TPTE: variants seen among roughly 807,000 people sequenced by gnomAD.
TPTE encodes transmembrane phosphatase with tensin homology.
Under a neutral mutation model 84.1 loss-of-function variants are expected in TPTE, and 59 were observed. That is an observed-to-expected ratio of 0.70 (90% CI 0.57 to 0.87). TPTE has a LOEUF of 0.87. TPTE is among the 40% of genes least tolerant of loss of function. The probability of loss-of-function intolerance (pLI) is 0.00; values close to 1 mark genes in which losing one functional copy is unlikely to be tolerated. For missense variants in TPTE, 382 were observed against 659.6 expected, an observed-to-expected ratio of 0.58 and a Z score of 4.61; for synonymous variants, 130 against 223.5, an observed-to-expected ratio of 0.58 and a Z score of 3.73.
intron 3 of TPTE, among the ~76,000 whole-genome samples, chr21:10,529,119 A>G (rs1473406226): frequency 1.3e-5 from 2 of 152,246 alleles, no homozygotes; most frequent in Non-Finnish European, 2.9e-5. Context: ...GGGAAGCAGA[A>G]GTTGCAGTGA....
intron 4 of TPTE, among the ~76,000 whole-genome samples, chr21:10,540,036 A>G (rs796258204): frequency 3.3e-5 from 5 of 152,368 alleles, no homozygotes; most frequent in African/African-American, 1.2e-4. Flanking sequence ...AACAACAAAC[A>G]AAAACAAAAA....
At chr21:10,581,843 C>A (rs2075276614) in intron 17 of TPTE, among the ~76,000 whole-genome samples, 1 of 152,312 alleles carries the variant, frequency 6.6e-6, no homozygotes, top group Non-Finnish European at 1.5e-5. Context: ...AAGCGATCCT[C>A]CCATCTCAGC....
At chr21:10,566,778 ACCAGC>A (rs1218182556) in intron 10 of TPTE, among the ~76,000 whole-genome samples, 1 of 152,302 alleles carries the variant, frequency 6.6e-6, no homozygotes, top group African/African-American at 2.4e-5. Flanking sequence ...GGAGTTCGAG[ACCAGC>A]CTGACCAACA....
chr21:10,556,452 T>C (rs1353553004), intron 8 of TPTE, among the ~76,000 whole-genome samples: 8 of 152,426 alleles, frequency 5.2e-5, no homozygotes, highest in Non-Finnish European at 1.2e-4. Flanking sequence ...TTGTTGGACA[T>C]TTGGGTTGGT....
At chr21:10,550,243 A>T (rs1344483004) in intron 7 of TPTE, among the ~76,000 whole-genome samples, 3 of 152,306 alleles carry the variant, frequency 2.0e-5, no homozygotes, top group Admixed American at 1.3e-4. Flanking sequence ...ACCAATAATA[A>T]CTTTGAATGT....
intron 17 of TPTE, among the ~76,000 whole-genome samples, chr21:10,585,038 C>G (rs1486235072): frequency 6.6e-6 from 1 of 152,310 alleles, no homozygotes; most frequent in African/African-American, 2.4e-5. Context: ...TTAAGACCAG[C>G]CTAGGCAACA....
chr21:10,543,443 C>T (rs1457291490), intron 7 of TPTE, 61 bp downstream of exon 7: 4 of 1,611,738 alleles, frequency 2.5e-6, no homozygotes, highest in Non-Finnish European at 3.4e-6. Flanking sequence ...TATACACACA[C>T]CAAGCACATA....
chr21:10,605,631 T>C lies in TPTE; in HGVS notation c.*79T>C, dbSNP rs1423222787. The C allele has an allele frequency of 3.1e-6, 5 of 1,594,250 alleles. No homozygotes were observed. The African/African-American group carries it at 4.1e-5, about 13-fold the overall frequency. On this transcript the variant is annotated 3_prime_UTR_variant, in exon 24 of 24. Coordinates refer to ENST00000618007, the MANE Select transcript of TPTE (RefSeq NM_199261.4). ...CACATGTTCATATATCCTAAATCTA[T>C]CCTAAATGTTCCTTGAAGTATTTAT...
At chr21:10,596,395 C>T (rs2075590034) in intron 20 of TPTE, among the ~76,000 whole-genome samples, 1 of 152,310 alleles carries the variant, frequency 6.6e-6, no homozygotes, top group South Asian at 2.1e-4. Flanking sequence ...GCAGAGGGAG[C>T]CTCTGATGAG....
intron 21 of TPTE, among the ~76,000 whole-genome samples, chr21:10,599,663 C>T (rs1479643114): frequency 1.3e-5 from 2 of 152,308 alleles, no homozygotes; most frequent in African/African-American, 2.4e-5. Flanking sequence ...ACTCTTATTT[C>T]CTTGGCTCTT....
chr21:10,565,122 C>A (rs2074894886), intron 10 of TPTE, among the ~76,000 whole-genome samples: 1 of 152,238 alleles, frequency 6.6e-6, no homozygotes, highest in Non-Finnish European at 1.5e-5. Flanking sequence ...AAGACTCCAC[C>A]AAAAAAAACT....
At chr21:10,589,160 T>C (rs1470011802) in intron 17 of TPTE, among the ~76,000 whole-genome samples, 12 of 152,412 alleles carry the variant, frequency 7.9e-5, no homozygotes, top group African/African-American at 2.4e-4. Context: ...TTTTTCTTTT[T>C]CTTTCCTTTC....
At chr21:10,592,818 G>A (rs1165635976) in intron 19 of TPTE, among the ~76,000 whole-genome samples, 3 of 152,310 alleles carry the variant, frequency 2.0e-5, no homozygotes, top group Non-Finnish European at 4.4e-5. Flanking sequence ...GTGTGTGTGT[G>A]TGTGTGTGTG....
intron 19 of TPTE, among the ~76,000 whole-genome samples, chr21:10,594,392 C>T (rs1253230601): frequency 2.0e-5 from 3 of 152,312 alleles, no homozygotes; most frequent in Non-Finnish European, 4.4e-5. Context: ...CTTCTGTATC[C>T]CCTTTAAAGG....
At chr21:10,541,195 G>T (rs774940670) in intron 5 of TPTE, 30 bp downstream of exon 5, 1 of 1,611,394 alleles carries the variant, frequency 6.2e-7, no homozygotes, top group Admixed American at 1.7e-5. Flanking sequence ...CACATGACCA[G>T]GTGCAATGGT....
intron 4 of TPTE, among the ~76,000 whole-genome samples, chr21:10,539,789 A>G (rs986164685): frequency 6.6e-6 from 1 of 152,304 alleles, no homozygotes; most frequent in African/African-American, 2.4e-5. Context: ...GGGCGGGTGG[A>G]TAACGAGATC....
intron 1 of TPTE, among the ~76,000 whole-genome samples, chr21:10,522,849 A>T (rs1444615981): frequency 2.0e-5 from 3 of 152,304 alleles, no homozygotes; most frequent in Non-Finnish European, 4.4e-5. Flanking sequence ...ATTGCCTTAA[A>T]CATTTACCAT....
At position 10,538,705 on chromosome 21, in the gene TPTE, A is replaced by G. The variant is rs2074312229; in HGVS notation, c.-19A>G. ...GTCCACCCACAAATGAATTATCAGGAGTGAACCCAGAGGCACGTATGAATG... is the reference window on the plus strand; with the variant it reads ...GTCCACCCACAAATGAATTATCAGGGGTGAACCCAGAGGCACGTATGAATG... On this transcript the variant is annotated 5_prime_UTR_variant, in exon 4 of 24. Coordinates refer to ENST00000618007, the MANE Select transcript of TPTE (RefSeq NM_199261.4). 6.2e-7 allele frequency: 1 copy of G among 1,613,958 alleles called. No individual in the cohort carries two copies. Among genetic ancestry groups the G allele is most frequent in the African/African-American group, 1.3e-5 (1 of 74,960 alleles).
intron 19 of TPTE, among the ~76,000 whole-genome samples, chr21:10,592,807 T>G (rs1307326994): frequency 7.0e-6 from 1 of 143,782 alleles, no homozygotes; most frequent in African/African-American, 2.6e-5. Context: ...TGACTCCTGG[T>G]GTGTGTGTGT....
Sources: allele counts gnomAD v4.1 joint callset (sites outside exome capture counted in the v4.1 genomes callset), GRCh38; gene constraint gnomAD v4.1.1; transcripts MANE v1.5; gene names NCBI Gene and HGNC (gene_info 2026-07-23, HGNC 2026-07-21).